Variants in HDAC5 observed in about 807,000 individuals in gnomAD.
The protein encoded by HDAC5 is antigen NY-CO-9.
HDAC5 carries 25 observed loss-of-function variants against 133.3 expected under a neutral mutation model. The observed-to-expected ratio is 0.19, with a 90% CI of 0.14 to 0.26. HDAC5 has a LOEUF of 0.26. Among genes scored for constraint, HDAC5 ranks in the 10% least tolerant of loss-of-function variants. HDAC5 has a pLI of 1.00. For synonymous variants in HDAC5, 589 were observed against 610.8 expected, an observed-to-expected ratio of 0.96 and a Z score of 0.53; for missense variants, 1,041 against 1,460.5, an observed-to-expected ratio of 0.71 and a Z score of 4.68.
At chr17:44,099,709 C>A (rs183017989) in intron 3 of HDAC5, among the ~76,000 whole-genome samples, 23 of 152,208 alleles carry the variant, frequency 1.5e-4, no homozygotes, top group African/African-American at 3.9e-4. Context: ...CTCCTGACCT[C>A]GTGATCTGCC....
At chr17:44,083,114 G>A (rs1356896189) in intron 18 of HDAC5, among the ~76,000 whole-genome samples, 1 of 151,990 alleles carries the variant, frequency 6.6e-6, no homozygotes, top group Non-Finnish European at 1.5e-5. Context: ...GAATAGCTAG[G>A]ACTACAAGCA....
chr17:44,078,329 TA>T lies in HDAC5; in HGVS notation c.*46del. 1 of 1,497,832 alleles carries T rather than the reference TA, an allele frequency of 6.7e-7. No homozygotes were observed. The highest frequency in any genetic ancestry group is 1.4e-5 in the South Asian group (1 of 71,414). 92.8% of individuals were successfully genotyped at this position (1,497,832 alleles called of 1,614,324 possible). A position where few individuals can be genotyped will look rare whatever the true frequency, so the allele number is the denominator to read the frequency against. Reference sequence around the variant, plus strand: ...GACTTTTTGTTTTTAATAGAAAAAATAAACAAAATCACAATGGTGAAGCCCA... The same window carrying T: ...GACTTTTTGTTTTTAATAGAAAAAATAACAAAATCACAATGGTGAAGCCCA... On this transcript the variant is annotated 3_prime_UTR_variant, in exon 27 of 27. Coordinates refer to ENST00000682912, the MANE Select transcript of HDAC5 (RefSeq NM_005474.5).
intron 18 of HDAC5, 42 bp from the exon 19 acceptor site, chr17:44,082,862 G>A (rs780815611): frequency 9.8e-6 from 15 of 1,530,556 alleles, no homozygotes; most frequent in Middle Eastern, 3.4e-4. Flanking sequence ...GATCCAGGCA[G>A]GAAGGCCGTG....
chr17:44,120,268 G>A (rs1375956579), intron 1 of HDAC5, among the ~76,000 whole-genome samples: 1 of 152,174 alleles, frequency 6.6e-6, no homozygotes, highest in Non-Finnish European at 1.5e-5. Flanking sequence ...GGAGTCAGGT[G>A]TCCCTTGAAG....
chr17:44,103,253 G>C (rs968458691), intron 3 of HDAC5, among the ~76,000 whole-genome samples: 4 of 152,174 alleles, frequency 2.6e-5, no homozygotes, highest in African/African-American at 9.7e-5. Flanking sequence ...ATCTATTTCT[G>C]TGCTCTTGTG....
In HDAC5 at chr17:44,092,201, T is replaced by G; in HGVS notation, c.1003A>C (p.Thr335Pro). Residue 335 changes from threonine to proline, a missense_variant, in exon 9 of 27, where the codon ACT (threonine) becomes CCT (proline). This residue lies in a region of HDAC5 where 433 missense variants were observed against 531.6 expected (regional missense o/e 0.81). Coordinates refer to ENST00000682912, the MANE Select transcript of HDAC5 (RefSeq NM_005474.5). ...GTGGGGATGTTGGGGACTGAGCCAG[T>G]AAAGCCATTCTCAGCGATGGTGCTG... The part of the protein sequence containing the change: ...SHSTIAENGF[T>P]GSVPNIPTEM... 1.2e-6 allele frequency: 2 copies of G among 1,613,984 alleles called. No homozygotes were observed. The highest frequency in any genetic ancestry group is 1.7e-6 in the Non-Finnish European group (2 of 1,179,956).
At chr17:44,109,670 C>G (rs1302260034) in intron 3 of HDAC5, among the ~76,000 whole-genome samples, 1 of 152,266 alleles carries the variant, frequency 6.6e-6, no homozygotes, top group Non-Finnish European at 1.5e-5. Context: ...GCAACCTTAT[C>G]CCTGGGCAGC....
At position 44,117,176 on chromosome 17, in the gene HDAC5, T is replaced by C. The variant is rs928693612; in HGVS notation, c.22+318A>G. Among the ~76,000 whole-genome samples, 1 of 152,208 alleles carries C rather than the reference T, an allele frequency of 6.6e-6. No individual in the cohort carries two copies. Among genetic ancestry groups the C allele is most frequent in the African/African-American group, 2.4e-5 (1 of 41,440 alleles). ...CAGACTGCCCAGAGAGATTAAGGGA[T>C]ACACACTGCCCCCTCAGGCCCACCT... is the stretch of plus-strand genomic sequence containing the variant. On this transcript the variant is annotated intron_variant, in intron 2 of 26. Transcript: ENST00000682912. This position sits in a 1 kb window ranked among gnomAD's most constrained non-coding sequence, Gnocchi z 4.2.
chr17:44,079,639 CAAA>C (rs773678478), intron 23 of HDAC5, among the ~76,000 whole-genome samples: 14 of 66,026 alleles, frequency 2.1e-4, no homozygotes, highest in African/African-American at 6.3e-4. Context: ...GACTCCACCT[CAAA>C]AAAAAAAAAA....
chr17:44,103,739 G>A (rs917195152), intron 3 of HDAC5, among the ~76,000 whole-genome samples: 8 of 148,136 alleles, frequency 5.4e-5, no homozygotes, highest in African/African-American at 1.5e-4. Context: ...ACGTAGTTTC[G>A]CTCTTGTTGC....
chr17:44,119,986 G>GACCCCT (rs1325469806), intron 1 of HDAC5: 3 of 152,102 alleles, frequency 2.0e-5, no homozygotes, highest in African/African-American at 7.3e-5. Flanking sequence ...CTTCCAGACA[G>GACCCCT]ACCCCTACCC....
chr17:44,094,515 T>C (rs943476733), intron 3 of HDAC5, among the ~76,000 whole-genome samples: 5 of 151,266 alleles, frequency 3.3e-5, no homozygotes, highest in Non-Finnish European at 5.9e-5. Flanking sequence ...CACACGCCTG[T>C]AGTCCCAGCT....
intron 3 of HDAC5, among the ~76,000 whole-genome samples, chr17:44,105,426 C>A (rs1279825268): frequency 6.6e-6 from 1 of 152,224 alleles, no homozygotes; most frequent in Non-Finnish European, 1.5e-5. Context: ...CCCAGTCCAG[C>A]CATTTCTAGC....
chr17:44,087,340 C>CAAGGGCAGAGGCAGGGGTGGAG, intron 13 of HDAC5, 72 bp downstream of exon 13: 1 of 701,324 alleles, frequency 1.4e-6, no homozygotes, highest in Non-Finnish European at 2.6e-6. Flanking sequence ...GAGGGAAAGA[C>CAAGGGCAGAGGCAGGGGTGGAG]AAGGGCAGAG....
intron 23 of HDAC5, among the ~76,000 whole-genome samples, chr17:44,079,579 G>A (rs1339531901): frequency 7.1e-6 from 1 of 141,008 alleles, no homozygotes; most frequent in African/African-American, 2.6e-5. Context: ...GGCGGAGGTT[G>A]CAGTGAGCCG....
rs144350170 is a variant in HDAC5 at position 44,082,612 on chromosome 17, G to A, written c.2580C>T (p.Asn860=). The A allele has an allele frequency of 5.6e-6, 9 of 1,614,088 alleles. No individual in the cohort carries two copies. Among genetic ancestry groups the A allele is most frequent in the South Asian group, 5.5e-5 (5 of 91,086 alleles). ...AGTCCACGATGAGGACCTTGCCCAC[G>A]TTCAACTTCTGCTGTAGGAGTTTTG... ...ITAKLLQQKL[N]VGKVLIVDWD... Residue 860 remains asparagine (N), a synonymous_variant, in exon 20 of 27, where the codon AAC becomes AAT. Transcript: ENST00000682912.
intron 3 of HDAC5, among the ~76,000 whole-genome samples, chr17:44,105,370 T>C (rs2051867252): frequency 6.6e-6 from 1 of 152,182 alleles, no homozygotes; most frequent in Non-Finnish European, 1.5e-5. Context: ...CAAATAGAGT[T>C]AGTAGTCGAT....
intron 3 of HDAC5, among the ~76,000 whole-genome samples, chr17:44,105,096 C>A (rs2051851218): frequency 1.3e-5 from 2 of 152,170 alleles, no homozygotes; most frequent in South Asian, 4.1e-4. Context: ...CTTCTCCCCA[C>A]TAAAAAACAG....
rs779478488 is a variant in HDAC5 at position 44,093,105 on chromosome 17, G to A, written c.628C>T (p.His210Tyr). 5 of 1,611,928 alleles carry A rather than the reference G, an allele frequency of 3.1e-6. No individual in the cohort carries two copies. Among genetic ancestry groups the A allele is most frequent in the East Asian group, 2.2e-5 (1 of 44,856 alleles). ...PGGLNHSLPQ[H>Y]PKCWGAHHAS... ...CAGGGCCATTACCAGCATTTGGGGT[G>A]CTGTGGGAGGGAATGGTTGAGGCCG... The change falls in exon 6 of 27, where the codon CAC becomes TAC. Residue 210 changes from histidine (H) to tyrosine (Y), a missense_variant. His to Tyr is a moderately conservative substitution (Grantham distance 83). Around this residue, in one of 9 missense-constraint regions of HDAC5, gnomAD observed 109 missense variants for 168.0 expected, o/e 0.65. Coordinates refer to ENST00000682912, the MANE Select transcript of HDAC5 (RefSeq NM_005474.5).
Sources: gnomAD v4.1 joint callset for allele counts (sites outside exome capture counted in the v4.1 genomes callset) on GRCh38, gnomAD v4.1.1 for gene constraint, gnomAD v4.1.1 regional missense constraint, Gnocchi (gnomAD v3.1) non-coding constraint, MANE v1.5 for transcripts, NCBI Gene and HGNC (gene_info 2026-07-23, HGNC 2026-07-21) for gene names.